The following MXI1 variants were observed in gnomAD, a reference collection of about 807,000 sequenced individuals.
MXI1 encodes max-interacting protein 1.
Under a neutral mutation model 36.9 loss-of-function variants are expected in MXI1, and 18 were observed. The ratio of observed to expected loss-of-function variants is 0.49; its 90% CI spans 0.34 to 0.72. MXI1 has a LOEUF of 0.72. Ranked by LOEUF, MXI1 falls within the 30% of genes least tolerant of loss-of-function variation. MXI1 has a pLI of 0.01. For missense variants in MXI1, 304 were observed against 379.1 expected (o/e 0.80, Z 1.64); for synonymous variants, 160 against 146.7 (o/e 1.09, Z -0.65).
chr10:110,221,283 TA>T (rs1188566521), intron 1 of MXI1, among the ~76,000 whole-genome samples: 1 of 152,250 alleles, frequency 6.6e-6, no homozygotes, highest in Admixed American at 6.5e-5. Flanking sequence ...TTGGGCAAGT[TA>T]CCATACCTCT....
At chr10:110,256,772 C>G (rs1332411355) in intron 3 of MXI1, among the ~76,000 whole-genome samples, 1 of 152,130 alleles carries the variant, frequency 6.6e-6, no homozygotes, top group East Asian at 1.9e-4. Flanking sequence ...ATTCATCATA[C>G]CAGTTACCAC....
chr10:110,233,984 A>G (rs1335768333), intron 2 of MXI1, among the ~76,000 whole-genome samples: 2 of 152,202 alleles, frequency 1.3e-5, no homozygotes, highest in African/African-American at 4.8e-5. Flanking sequence ...AAATGTAGAA[A>G]GGGAATTCTT....
At chr10:110,260,108 C>T (rs1336410969) in intron 3 of MXI1, among the ~76,000 whole-genome samples, 1 of 151,966 alleles carries the variant, frequency 6.6e-6, no homozygotes, top group Non-Finnish European at 1.5e-5. Flanking sequence ...AAATGATACC[C>T]AGAATCCAAC....
chr10:110,212,489 T>C (rs1379486800), intron 1 of MXI1, among the ~76,000 whole-genome samples: 1 of 152,202 alleles, frequency 6.6e-6, no homozygotes, highest in African/African-American at 2.4e-5. Flanking sequence ...TATCCTACCT[T>C]CTCTTCAAGA....
rs1480412759 is a variant in MXI1 at position 110,210,318 on chromosome 10, G to C, written c.274+2236G>C. 4 of 984,092 alleles carry C rather than the reference G, an allele frequency of 4.1e-6. No homozygotes were observed. The African/African-American group carries it at 7.0e-5, about 17-fold the overall frequency. 61.0% of individuals were successfully genotyped at this position (984,092 alleles called of 1,614,324 possible). ...ACCCAAGTCTAAGTCAACTTCATGT[G>C]CGTAATAAGTCCCTCGGCCCCGCAG... On this transcript the variant is annotated intron_variant, in intron 1 of 5. Coordinates refer to ENST00000332674, the MANE Select transcript of MXI1 (RefSeq NM_130439.3).
intron 1 of MXI1, among the ~76,000 whole-genome samples, chr10:110,221,428 T>A (rs886267001): frequency 6.6e-6 from 1 of 152,154 alleles, no homozygotes; most frequent in Admixed American, 6.5e-5. Flanking sequence ...AGCAAAATCC[T>A]CCCAAATACC....
intron 3 of MXI1, among the ~76,000 whole-genome samples, chr10:110,252,365 T>C (rs1337912416): frequency 6.6e-6 from 1 of 152,150 alleles, no homozygotes; most frequent in Non-Finnish European, 1.5e-5. Flanking sequence ...GCCTACAAAG[T>C]GCACCACTCT....
intron 1 of MXI1, among the ~76,000 whole-genome samples, chr10:110,224,068 T>C (rs959618277): frequency 1.5e-4 from 23 of 152,048 alleles, no homozygotes; most frequent in African/African-American, 5.6e-4. Flanking sequence ...GGGAAAGGTA[T>C]ATTAAAATGC....
At chr10:110,254,134 A>G (rs1328571145) in intron 3 of MXI1, among the ~76,000 whole-genome samples, 2 of 152,094 alleles carry the variant, frequency 1.3e-5, no homozygotes, top group African/African-American at 2.4e-5. Flanking sequence ...TTTTTTAGCA[A>G]TTGAAGGTTT....
chr10:110,270,579 TA>T (rs1856825310), intron 3 of MXI1, among the ~76,000 whole-genome samples: 1 of 152,200 alleles, frequency 6.6e-6, no homozygotes. Flanking sequence ...CTGGTAAGCA[TA>T]CACTAGTTTC....
At chr10:110,273,179 C>T (rs1243574242) in intron 3 of MXI1, among the ~76,000 whole-genome samples, 1 of 151,660 alleles carries the variant, frequency 6.6e-6, no homozygotes, top group African/African-American at 2.4e-5. Flanking sequence ...TCCCAAGTAG[C>T]TGGGACTACA....
chr10:110,218,123 C>T (rs1216019072), intron 1 of MXI1, among the ~76,000 whole-genome samples: 8 of 152,176 alleles, frequency 5.3e-5, no homozygotes, highest in African/African-American at 1.9e-4. Context: ...CTGGGAAAAG[C>T]CCCAGGGAGT....
At chr10:110,255,280 G>C (rs776569520) in intron 3 of MXI1, among the ~76,000 whole-genome samples, 2 of 152,102 alleles carry the variant, frequency 1.3e-5, no homozygotes, top group Non-Finnish European at 2.9e-5. Flanking sequence ...ACTATTTGAC[G>C]CCTACTGTTG....
At position 110,282,298 on chromosome 10, in the gene MXI1, TTAAA is replaced by T. The variant is rs1200212349; in HGVS notation, c.724+2216_724+2219del. ...CCCAGATTTGCTGAGTAGGAGCCTT[TTAAA>T]TAGTTTTTTCATCCTTTTTAACGCA... On this transcript the variant is annotated intron_variant, in intron 5 of 5. Coordinates refer to ENST00000332674, the MANE Select transcript of MXI1 (RefSeq NM_130439.3). 3.7e-4 allele frequency among the ~76,000 whole-genome samples: 29 copies of T among 78,252 alleles called. No individual in the cohort carries two copies. In the Admixed American group the frequency reaches 3.8e-3, roughly 10 times the overall value. 51.3% of individuals were successfully genotyped at this position (78,252 alleles called of 152,430 possible). A position where few individuals can be genotyped will look rare whatever the true frequency, so the allele number is the denominator to read the frequency against.
intron 3 of MXI1, among the ~76,000 whole-genome samples, chr10:110,276,754 A>G (rs551748395): frequency 6.6e-6 from 1 of 152,248 alleles, no homozygotes; most frequent in East Asian, 1.9e-4. Context: ...TTTAGCAAGT[A>G]TCACAAAACG....
At chr10:110,277,215 A>G (rs1857066119) in intron 3 of MXI1, among the ~76,000 whole-genome samples, 1 of 152,214 alleles carries the variant, frequency 6.6e-6, no homozygotes, top group African/African-American at 2.4e-5. Flanking sequence ...GTTAATTTGA[A>G]CCAAATTGAC....
intron 3 of MXI1, chr10:110,245,659 A>C (rs915581934): frequency 2.6e-5 from 4 of 152,176 alleles, no homozygotes; most frequent in African/African-American, 9.6e-5. Context: ...AGACTTCCTG[A>C]GACCCATAGG....
chr10:110,220,505 T>TCAGGGCTGGC (rs1854776216), intron 1 of MXI1, among the ~76,000 whole-genome samples: 1 of 152,300 alleles, frequency 6.6e-6, no homozygotes, highest in African/African-American at 2.4e-5. Flanking sequence ...GGTTTAGTGT[T>TCAGGGCTGGC]CAGGGCCTGG....
intron 2 of MXI1, among the ~76,000 whole-genome samples, chr10:110,232,174 A>T (rs1355561799): frequency 1.3e-5 from 2 of 152,046 alleles, no homozygotes; most frequent in East Asian, 3.8e-4. Context: ...GTTAGCCAGG[A>T]TGGTCTCAAT....
Sources: allele counts gnomAD v4.1 joint callset (sites outside exome capture counted in the v4.1 genomes callset), GRCh38; gene constraint gnomAD v4.1.1; transcripts MANE v1.5; gene names NCBI Gene and HGNC (gene_info 2026-07-23, HGNC 2026-07-21).